BTAF1: variants seen among roughly 807,000 people sequenced by gnomAD.
The protein encoded by BTAF1 is B-TFIID TATA-box binding protein associated factor 1.
BTAF1 carries 38 observed loss-of-function variants against 227.1 expected under a neutral mutation model. That is an observed-to-expected ratio of 0.17 (90% CI 0.13 to 0.22). BTAF1 has a LOEUF of 0.22. Among genes scored for constraint, BTAF1 ranks in the 10% least tolerant of loss-of-function variants. BTAF1 has a pLI of 1.00. For missense variants in BTAF1, 1,598 were observed against 2,204.0 expected, an observed-to-expected ratio of 0.73 and a Z score of 5.51; for synonymous variants, 742 against 751.9, an observed-to-expected ratio of 0.99 and a Z score of 0.21.
intron 32 of BTAF1, among the ~76,000 whole-genome samples, chr10:92,015,103 T>G (rs1259098146): frequency 6.6e-6 from 1 of 152,246 alleles, no homozygotes; most frequent in Non-Finnish European, 1.5e-5. Flanking sequence ...CTTTGAAGTA[T>G]TATTTCATTA....
At chr10:91,961,494 C>T (rs559692279) in intron 11 of BTAF1, among the ~76,000 whole-genome samples, 61 of 150,450 alleles carry the variant, frequency 4.1e-4, no homozygotes, top group African/African-American at 1.3e-3. Context: ...ACAAAGCATT[C>T]GTGATTCTGC....
chr10:91,928,784 A>G (rs1844058599), intron 1 of BTAF1, among the ~76,000 whole-genome samples: 1 of 102,032 alleles, frequency 9.8e-6, no homozygotes, highest in Admixed American at 1.0e-4. Flanking sequence ...GCCCCCCAAA[A>G]AAAGCAACCT....
intron 4 of BTAF1, among the ~76,000 whole-genome samples, chr10:91,949,254 A>C (rs531702156): frequency 6.6e-6 from 1 of 152,322 alleles, no homozygotes; most frequent in African/African-American, 2.4e-5. Flanking sequence ...ACAAGGCTCC[A>C]GTGAGCTGTC....
chr10:91,967,015 T>G (rs901981071), intron 14 of BTAF1, among the ~76,000 whole-genome samples: 2 of 152,170 alleles, frequency 1.3e-5, no homozygotes, highest in African/African-American at 2.4e-5. Flanking sequence ...GAATGAGTGA[T>G]TGATTGAATA....
chr10:91,990,640 T>C (rs1160735011), intron 20 of BTAF1, among the ~76,000 whole-genome samples: 1 of 151,498 alleles, frequency 6.6e-6, no homozygotes, highest in Non-Finnish European at 1.5e-5. Flanking sequence ...ACTAAAAATA[T>C]ATAATTAGCT....
At chr10:91,971,469 CTTTTTTTTT>C (rs11299263) in intron 14 of BTAF1, among the ~76,000 whole-genome samples, 1 of 97,424 alleles carries the variant, frequency 1.0e-5, no homozygotes, top group Admixed American at 1.1e-4. Flanking sequence ...TAAAGCCAAA[CTTTTTTTTT>C]TTTTTTTTTT....
Position 91,989,441 on chromosome 10 carries a change from T to A in BTAF1, c.2715T>A (p.Leu905=). The change falls in exon 20 of 38, where the codon CTT becomes CTA. Residue 905 remains leucine, a synonymous_variant. Coordinates refer to ENST00000265990, the MANE Select transcript of BTAF1 (RefSeq NM_003972.3). ...CAGCTCAGTGCATAGCTAAACTCCT[T>A]CAGCAGTGCACAACAAGGACGCCCT... is the stretch of plus-strand genomic sequence containing the variant. ...NYAAQCIAKL[L]QQCTTRTPCP... 6.2e-7 allele frequency: 1 copy of A among 1,614,162 alleles called. No homozygotes were observed. Among genetic ancestry groups the A allele is most frequent in the Non-Finnish European group, 8.5e-7 (1 of 1,180,042 alleles).
At chr10:91,987,043 C>T (rs553047441) in intron 19 of BTAF1, among the ~76,000 whole-genome samples, 170 of 150,808 alleles carry the variant, frequency 1.1e-3, no homozygotes, top group Non-Finnish European at 2.0e-3. Flanking sequence ...GTCTTTCTTA[C>T]GTTCTTCTTT....
intron 34 of BTAF1, among the ~76,000 whole-genome samples, chr10:92,020,021 C>T (rs35462813): frequency 3.3e-5 from 5 of 151,656 alleles, no homozygotes; most frequent in East Asian, 1.9e-4. Flanking sequence ...CACACCCTGC[C>T]GAGAAATTCT....
Position 91,980,514 on chromosome 10 carries a change from T to C in BTAF1, c.1711T>C (p.Cys571Arg). The C allele has an allele frequency of 6.2e-7, 1 of 1,613,280 alleles. No individual in the cohort carries two copies. Among genetic ancestry groups the C allele is most frequent in the Non-Finnish European group, 8.5e-7 (1 of 1,179,452 alleles). ...TATGCTCCGACACATTTTTCAGTTC[T>C]GTGTTTTGGAAAGCAGCCAGGAAAT... The part of the protein sequence containing the change: ...PDMLRHIFQF[C>R]VLESSQEILD... Residue 571 changes from cysteine to arginine, a missense_variant, in exon 15 of 38, where the codon TGT (cysteine) becomes CGT (arginine). This residue lies in a region of BTAF1 where 318 missense variants were observed against 435.0 expected (regional missense o/e 0.73). Coordinates refer to ENST00000265990, the MANE Select transcript of BTAF1 (RefSeq NM_003972.3).
At chr10:92,003,867 C>T (rs1319292043) in intron 25 of BTAF1, among the ~76,000 whole-genome samples, 1 of 152,196 alleles carries the variant, frequency 6.6e-6, no homozygotes, top group African/African-American at 2.4e-5. Flanking sequence ...TTCCCACCAA[C>T]AATACGCAAG....
At position 91,961,212 on chromosome 10, in the gene BTAF1, A is replaced by G. The variant is rs189320542; in HGVS notation, c.1263+1058A>G. On this transcript the variant is annotated intron_variant, in intron 11 of 37. Coordinates refer to ENST00000265990, the MANE Select transcript of BTAF1 (RefSeq NM_003972.3). The stretch of plus-strand genomic sequence containing the variant: ...AAGGAGAGATTATGAATGAGGAGCT[A>G]GAGAGAGACCAGGACCTTTTCTTAC... 1.9e-3 allele frequency among the ~76,000 whole-genome samples: 295 copies of G among 152,322 alleles called. 2 individuals are homozygous for G. The highest frequency in any genetic ancestry group is 6.8e-3 in the African/African-American group (282 of 41,580).
chr10:91,927,900 A>G (rs1477047542), intron 1 of BTAF1, among the ~76,000 whole-genome samples: 1 of 151,016 alleles, frequency 6.6e-6, no homozygotes, highest in Non-Finnish European at 1.5e-5. Flanking sequence ...TTGTAGGAGT[A>G]TGATTTTACC....
At chr10:91,973,848 G>C (rs1347451060) in intron 14 of BTAF1, among the ~76,000 whole-genome samples, 7 of 143,370 alleles carry the variant, frequency 4.9e-5, no homozygotes, top group African/African-American at 1.8e-4. Context: ...AGCTTGCAGT[G>C]AGCTGAGATC....
At chr10:91,942,031 T>G (rs1845036872) in intron 3 of BTAF1, among the ~76,000 whole-genome samples, 1 of 152,156 alleles carries the variant, frequency 6.6e-6, no homozygotes, top group African/African-American at 2.4e-5. Context: ...TTCCAGCACT[T>G]TGGGAAGTTG....
At position 91,981,623 on chromosome 10, in the gene BTAF1, G is replaced by A. The variant is rs200218341; in HGVS notation, c.1756-20G>A. The A allele has an allele frequency of 1.5e-4, 233 of 1,556,790 alleles. 1 individual carries two copies. Among genetic ancestry groups the A allele is most frequent in the Non-Finnish European group, 5.6e-5 (65 of 1,156,612 alleles). ...TTTATTAGAAAAAATTCACTTTCATGTCCCCCTTTTACCCTGCAGGTTTGG... is the reference window on the plus strand; with the variant it reads ...TTTATTAGAAAAAATTCACTTTCATATCCCCCTTTTACCCTGCAGGTTTGG... On this transcript the variant is annotated intron_variant, in intron 15 of 37. Coordinates refer to ENST00000265990, the MANE Select transcript of BTAF1 (RefSeq NM_003972.3).
chr10:91,962,770 C>A (rs1213589930), intron 12 of BTAF1, 92 bp downstream of exon 12: 1 of 1,215,306 alleles, frequency 8.2e-7, no homozygotes, highest in Non-Finnish European at 1.1e-6. Context: ...CATTTTTCTC[C>A]TTCATCTTCA....
rs1370298797 is a variant in BTAF1 at position 91,966,739 on chromosome 10, A to G, written c.1632A>G (p.Leu544=). ...RRAALETLFT[L]LSTQDQNSSS... ...CAGCATTGGAAACTCTGTTTACGTT[A>G]TTATCAACACAGGACCAGGTAAGAA... is the stretch of plus-strand genomic sequence containing the variant. Residue 544 remains leucine (L), a synonymous_variant, in exon 14 of 38, where the codon TTA becomes TTG. Transcript: ENST00000265990. The G allele has an allele frequency of 6.2e-7, 1 of 1,613,926 alleles. No individual in the cohort carries two copies.
rs574708261 is a variant in BTAF1, at chr10:91,940,971, A to G, written c.253+905A>G. On this transcript the variant is annotated intron_variant, in intron 3 of 37. Coordinates refer to ENST00000265990, the MANE Select transcript of BTAF1 (RefSeq NM_003972.3). ...AGCTGAGGCCCACGTCAGCCTCCCA[A>G]AGTGCTGGGATTAGAGGCATGAGCC... Among the ~76,000 whole-genome samples the G allele has an allele frequency of 9.9e-5, 15 of 152,266 alleles. No homozygotes were observed. In the East Asian group the frequency reaches 1.9e-3, roughly 20 times the overall value.
Sources: allele counts gnomAD v4.1 joint callset (sites outside exome capture counted in the v4.1 genomes callset), GRCh38; gene constraint gnomAD v4.1.1; regional missense constraint gnomAD v4.1.1; transcripts MANE v1.5; gene names NCBI Gene and HGNC (gene_info 2026-07-23, HGNC 2026-07-21).